Variants in SOX5 observed in about 807,000 individuals in gnomAD.
SOX5 encodes the protein transcription factor SOX-5.
A neutral mutation model predicts 92.0 loss-of-function variants in SOX5; 9 were observed. That is an observed-to-expected ratio of 0.10 (90% CI 0.06 to 0.17). The LOEUF is 0.17. Ranked by LOEUF, SOX5 falls within the 10% of genes least tolerant of loss-of-function variation. The probability of loss-of-function intolerance (pLI) is 1.00; values close to 1 mark genes in which losing one functional copy is unlikely to be tolerated. For synonymous variants in SOX5, 344 were observed against 336.3 expected, an observed-to-expected ratio of 1.02 and a Z score of -0.25; for missense variants, 642 against 944.5, an observed-to-expected ratio of 0.68 and a Z score of 4.20.
chr12:23,590,688 CAA>C (rs952438687), intron 9 of SOX5, among the ~76,000 whole-genome samples: 8 of 151,846 alleles, frequency 5.3e-5, no homozygotes, highest in African/African-American at 1.9e-4. Context: ...TTTATTCTAC[CAA>C]AGTGTCCAGC....
At chr12:23,851,016 T>C (rs938589100) in intron 2 of SOX5, among the ~76,000 whole-genome samples, 6 of 151,740 alleles carry the variant, frequency 4.0e-5, no homozygotes, top group Non-Finnish European at 5.9e-5. Context: ...TATACCTTCA[T>C]AGAAAAATAA....
intron 2 of SOX5, among the ~76,000 whole-genome samples, chr12:24,354,885 G>A (rs1954602854): frequency 6.6e-6 from 1 of 152,036 alleles, no homozygotes; most frequent in Non-Finnish European, 1.5e-5. Flanking sequence ...CCCAATCAAG[G>A]ATGCTTAAAT....
At chr12:23,965,137 T>G (rs1341117492) in intron 4 of SOX5, among the ~76,000 whole-genome samples, 1 of 152,180 alleles carries the variant, frequency 6.6e-6, no homozygotes, top group Admixed American at 6.5e-5. Context: ...CAGGACACCA[T>G]CTACCGTGGA....
intron 4 of SOX5, among the ~76,000 whole-genome samples, chr12:24,121,835 G>A (rs563338568): frequency 8.0e-5 from 11 of 137,132 alleles, no homozygotes; most frequent in Admixed American, 2.5e-4. Context: ...GCAGTGAGCC[G>A]AGATCGTGCC....
At chr12:24,416,548 C>T (rs1222107919) in intron 1 of SOX5, among the ~76,000 whole-genome samples, 1 of 152,138 alleles carries the variant, frequency 6.6e-6, no homozygotes, top group Non-Finnish European at 1.5e-5. Context: ...AAAGCAAATC[C>T]AGTCACTCAA....
chr12:24,272,955 G>A (rs1418960176), intron 3 of SOX5, among the ~76,000 whole-genome samples: 1 of 152,122 alleles, frequency 6.6e-6, no homozygotes, highest in Non-Finnish European at 1.5e-5. Context: ...GACTTTGGCT[G>A]AGTGCAGTGG....
chr12:24,553,737 G>C (rs1415789366), intron 1 of SOX5, among the ~76,000 whole-genome samples: 1 of 152,242 alleles, frequency 6.6e-6, no homozygotes, highest in Non-Finnish European at 1.5e-5. Context: ...TAAGAGAAAG[G>C]TTAAGAAAAG....
intron 2 of SOX5, among the ~76,000 whole-genome samples, chr12:24,318,271 C>T (rs541558631): frequency 1.3e-5 from 2 of 152,120 alleles, no homozygotes; most frequent in South Asian, 4.2e-4. Context: ...CTAGATGCAC[C>T]CATGCAGTCA....
intron 6 of SOX5, among the ~76,000 whole-genome samples, chr12:23,691,652 G>A (rs557844807): frequency 3.3e-5 from 5 of 151,946 alleles, no homozygotes; most frequent in Admixed American, 2.0e-4. Flanking sequence ...TTTTAAATTA[G>A]TAGCAAAAGG....
rs1021266866 is a variant in SOX5 at position 24,036,586 on chromosome 12, G to A, written c.-1-140562C>T. On this transcript the variant is annotated intron_variant, in intron 4 of 4. Coordinates refer to the SOX5 transcript ENST00000446891. Reference sequence around the variant, plus strand: ...GTACGAATTCAATACACTGTAAGCCGTGCCCCTCACACAGTTGACATCAAT... The same window carrying A: ...GTACGAATTCAATACACTGTAAGCCATGCCCCTCACACAGTTGACATCAAT... Among the ~76,000 whole-genome samples the A allele has an allele frequency of 5.9e-5, 9 of 152,154 alleles. 1 individual carries two copies. The Middle Eastern group carries it at 0.017, about 288-fold the overall frequency.
chr12:23,910,522 C>T (rs925964358), intron 1 of SOX5, among the ~76,000 whole-genome samples: 1 of 152,126 alleles, frequency 6.6e-6, no homozygotes, highest in Non-Finnish European at 1.5e-5. Context: ...GCCTAATCCC[C>T]CAAAGATAGC....
rs552484681 is a variant in SOX5, at chr12:23,559,519, T to C, written c.1488+3739A>G. ...CTCTTAGAAGTCTTCCATTAAAATG[T>C]GTTTCGGTAAAAATGACTTTCATGA... On this transcript the variant is annotated intron_variant, in intron 11 of 14. Transcript: ENST00000451604. 6.6e-5 allele frequency among the ~76,000 whole-genome samples: 10 copies of C among 152,322 alleles called. No individual in the cohort carries two copies. The East Asian group carries it at 1.9e-3, about 29-fold the overall frequency.
chr12:23,591,465 T>C (rs753304432), intron 9 of SOX5, among the ~76,000 whole-genome samples: 11 of 152,102 alleles, frequency 7.2e-5, no homozygotes, highest in Non-Finnish European at 1.3e-4. Context: ...TAAATTATAG[T>C]CCTGGATAGA....
At chr12:24,345,836 G>A (rs565380765) in intron 2 of SOX5, among the ~76,000 whole-genome samples, 11 of 152,278 alleles carry the variant, frequency 7.2e-5, no homozygotes, top group South Asian at 2.1e-4. Flanking sequence ...TGTCGTGAAG[G>A]AGAATGAATG....
At chr12:24,165,476 T>C (rs370408613) in intron 4 of SOX5, among the ~76,000 whole-genome samples, 11 of 152,332 alleles carry the variant, frequency 7.2e-5, no homozygotes, top group African/African-American at 2.2e-4. Context: ...GATTCAAATA[T>C]TGCTTTTAGA....
At chr12:24,377,888 G>A (rs1957447869) in intron 1 of SOX5, among the ~76,000 whole-genome samples, 1 of 152,174 alleles carries the variant, frequency 6.6e-6, no homozygotes, top group Non-Finnish European at 1.5e-5. Flanking sequence ...AGAACATTTG[G>A]AAAATCAGAA....
At chr12:24,015,401 T>C (rs1347394404) in intron 4 of SOX5, among the ~76,000 whole-genome samples, 1 of 151,998 alleles carries the variant, frequency 6.6e-6, no homozygotes, top group East Asian at 1.9e-4. Context: ...CTCAGCAAAA[T>C]ATTCCTCCTC....
At chr12:24,435,901 T>C (rs1447946924) in intron 1 of SOX5, among the ~76,000 whole-genome samples, 6 of 152,236 alleles carry the variant, frequency 3.9e-5, no homozygotes, top group Admixed American at 6.5e-5. Context: ...TATTTCAAAC[T>C]TTTTCATTAT....
At chr12:24,205,546 T>A (rs1161819045) in intron 4 of SOX5, among the ~76,000 whole-genome samples, 2 of 152,200 alleles carry the variant, frequency 1.3e-5, no homozygotes, top group African/African-American at 2.4e-5. Flanking sequence ...TGTGAACTGA[T>A]GTCTGTCTCA....
Sources: gnomAD v4.1 joint callset for allele counts (sites outside exome capture counted in the v4.1 genomes callset) on GRCh38, gnomAD v4.1.1 for gene constraint, MANE v1.5 for transcripts, NCBI Gene and HGNC (gene_info 2026-07-23, HGNC 2026-07-21) for gene names.